Variants in NETO2 observed in about 807,000 individuals in gnomAD.
The protein encoded by NETO2 is neuropilin and tolloid-like protein 2.
A neutral mutation model predicts 62.5 loss-of-function variants in NETO2; 28 were observed. The ratio of observed to expected loss-of-function variants is 0.45; its 90% CI spans 0.33 to 0.61. The LOEUF (loss-of-function observed/expected upper bound fraction) is 0.61, where lower values mean the gene tolerates loss of function less well. NETO2 is among the 20% of genes least tolerant of loss of function. The probability of loss-of-function intolerance (pLI) is 0.02; values close to 1 mark genes in which losing one functional copy is unlikely to be tolerated. For missense variants in NETO2, 548 were observed against 643.2 expected, an observed-to-expected ratio of 0.85 and a Z score of 1.60; for synonymous variants, 214 against 219.1, an observed-to-expected ratio of 0.98 and a Z score of 0.21.
intron 7 of NETO2, among the ~76,000 whole-genome samples, chr16:47,107,987 G>A (rs1245011622): frequency 6.6e-6 from 1 of 152,102 alleles, no homozygotes; most frequent in Admixed American, 6.5e-5. Context: ...ATGTTGCCCA[G>A]GCTGGTCTCG....
intron 1 of NETO2, among the ~76,000 whole-genome samples, chr16:47,141,444 T>C (rs1392173395): frequency 6.6e-6 from 1 of 151,890 alleles, no homozygotes; most frequent in Non-Finnish European, 1.5e-5. Flanking sequence ...TTTAAATAAA[T>C]TATACATGCG....
chr16:47,091,688 C>T (rs1352254310), intron 7 of NETO2, among the ~76,000 whole-genome samples: 1 of 152,140 alleles, frequency 6.6e-6, no homozygotes, highest in African/African-American at 2.4e-5. Context: ...TAAAAGATGT[C>T]ATTTATGCCA....
At chr16:47,102,585 T>A (rs1963576308) in intron 7 of NETO2, among the ~76,000 whole-genome samples, 2 of 145,142 alleles carry the variant, frequency 1.4e-5, no homozygotes. Context: ...CTTAAACAAA[T>A]TTACAAGAAA....
At chr16:47,109,871 A>G (rs1963756186) in intron 6 of NETO2, among the ~76,000 whole-genome samples, 160 bp from the exon 7 acceptor site, 1 of 152,232 alleles carries the variant, frequency 6.6e-6, no homozygotes, top group Admixed American at 6.5e-5. Flanking sequence ...AACTAAGATT[A>G]ATGATCTGTT....
At chr16:47,118,522 G>A (rs1483963531) in intron 6 of NETO2, among the ~76,000 whole-genome samples, 1 of 152,162 alleles carries the variant, frequency 6.6e-6, no homozygotes, top group African/African-American at 2.4e-5. Flanking sequence ...TTCTGATTAA[G>A]AGAGAAAAAA....
chr16:47,124,443 A>C (rs1596738413), intron 4 of NETO2, among the ~76,000 whole-genome samples: 1 of 152,344 alleles, frequency 6.6e-6, no homozygotes, highest in East Asian at 1.9e-4. Flanking sequence ...TTCATTAAAA[A>C]AAATGAACTT....
At position 47,083,616 on chromosome 16, in the gene NETO2, G is replaced by A; in HGVS notation, c.1183C>T (p.Pro395Ser). 5 of 1,614,156 alleles carry A rather than the reference G, an allele frequency of 3.1e-6. No individual in the cohort carries two copies. The highest frequency in any genetic ancestry group is 4.2e-6 in the Non-Finnish European group (5 of 1,180,022). ...NKTGFQEVFD[P>S]PHYELFSLRD... is the part of the protein sequence containing the mutation. Reference sequence around the variant, plus strand: ...AGTGAAAACAGTTCATAATGAGGAGGATCAAACACTTCTTGGAACCCGGTT... The same window carrying A: ...AGTGAAAACAGTTCATAATGAGGAGAATCAAACACTTCTTGGAACCCGGTT... Residue 395 changes from proline to serine, a missense_variant, in exon 9 of 9, where the codon CCT (proline) becomes TCT (serine). Coordinates refer to ENST00000562435, the MANE Select transcript of NETO2 (RefSeq NM_018092.5).
intron 6 of NETO2, among the ~76,000 whole-genome samples, chr16:47,116,587 T>G (rs151051504): frequency 1.3e-4 from 20 of 152,340 alleles, no homozygotes; most frequent in Admixed American, 4.6e-4. Context: ...AGTTTCCTTA[T>G]AATGTCTCTT....
intron 4 of NETO2, among the ~76,000 whole-genome samples, chr16:47,125,316 T>C (rs1470463340): frequency 6.6e-6 from 1 of 151,978 alleles, no homozygotes; most frequent in Non-Finnish European, 1.5e-5. Context: ...TTCTTTTCCC[T>C]GCCACTGTGA....
At chr16:47,119,847 ATTTCTGTC>A (rs1964002257) in intron 6 of NETO2, among the ~76,000 whole-genome samples, 1 of 152,082 alleles carries the variant, frequency 6.6e-6, no homozygotes, top group African/African-American at 2.4e-5. Flanking sequence ...GTTTAATTGC[ATTTCTGTC>A]ACATGATGCT....
intron 7 of NETO2, among the ~76,000 whole-genome samples, chr16:47,099,507 C>A (rs536527249): frequency 1.3e-5 from 2 of 152,124 alleles, no homozygotes; most frequent in African/African-American, 4.8e-5. Flanking sequence ...AATTAAAAGA[C>A]GCAGACTGGC....
In NETO2 at chr16:47,122,727, T is replaced by C; in HGVS notation, c.584A>G (p.Gln195Arg). 6.2e-7 allele frequency: 1 copy of C among 1,614,132 alleles called. No individual in the cohort carries two copies. ...TTGGCCTGGTTTTGTTTTCTCCTCTTGTTCTACCTGACTAGAGCGCACTAT... is the reference window on the plus strand; with the variant it reads ...TTGGCCTGGTTTTGTTTTCTCCTCTCGTTCTACCTGACTAGAGCGCACTAT... ...DGIVRSSQVE[Q>R]EEKTKPGQAV... The change falls in exon 6 of 9, where the codon CAA (glutamine) becomes CGA (arginine). Residue 195 changes from glutamine (Q) to arginine (R), a missense_variant. By Grantham distance (43) the Gln-to-Arg change is conservative. Transcript: ENST00000562435.
intron 8 of NETO2, 79 bp downstream of exon 8, chr16:47,086,147 G>A (rs1963185156): frequency 1.2e-6 from 1 of 863,364 alleles, no homozygotes; most frequent in Admixed American, 1.7e-5. Flanking sequence ...CACTGTTGTA[G>A]AAAATAACAT....
chr16:47,116,742 C>A (rs1037509188), intron 6 of NETO2, among the ~76,000 whole-genome samples: 1 of 152,086 alleles, frequency 6.6e-6, no homozygotes, highest in Non-Finnish European at 1.5e-5. Context: ...CCCATCTAGG[C>A]CTAGAGTTTT....
At chr16:47,131,545 C>A (rs1964266458) in intron 2 of NETO2, among the ~76,000 whole-genome samples, 1 of 152,040 alleles carries the variant, frequency 6.6e-6, no homozygotes, top group South Asian at 2.1e-4. Flanking sequence ...ACATAAAAAT[C>A]TGGCTAAAAA....
intron 4 of NETO2, among the ~76,000 whole-genome samples, chr16:47,126,754 G>A (rs545650406): frequency 6.6e-6 from 1 of 152,220 alleles, no homozygotes; most frequent in South Asian, 2.1e-4. Flanking sequence ...ATTTTGCTGT[G>A]AACCTAAAAC....
At chr16:47,142,413 A>G (rs114770846) in intron 1 of NETO2, among the ~76,000 whole-genome samples, 3,376 of 152,330 alleles carry the variant, frequency 0.022, 122 homozygotes, top group African/African-American at 0.077. Flanking sequence ...CAATGTGTCC[A>G]ATTAAAATCA....
At chr16:47,111,675 C>T (rs187169844) in intron 6 of NETO2, among the ~76,000 whole-genome samples, 1 of 152,304 alleles carries the variant, frequency 6.6e-6, no homozygotes, top group East Asian at 1.9e-4. Flanking sequence ...TTCTTTTTCC[C>T]TCCCCTCATA....
intron 4 of NETO2, among the ~76,000 whole-genome samples, chr16:47,124,239 T>C (rs1319181290): frequency 1.3e-5 from 2 of 152,218 alleles, no homozygotes; most frequent in Non-Finnish European, 2.9e-5. Flanking sequence ...CAGAGAAATG[T>C]CAAAGTGAAA....
Sources: gnomAD v4.1 joint callset for allele counts (sites outside exome capture counted in the v4.1 genomes callset) on GRCh38, gnomAD v4.1.1 for gene constraint, MANE v1.5 for transcripts, NCBI Gene and HGNC (gene_info 2026-07-23, HGNC 2026-07-21) for gene names.